Variants in KCND2 observed in about 807,000 individuals in gnomAD.
The protein encoded by KCND2 is A-type voltage-gated potassium channel KCND2.
In KCND2, 16 loss-of-function variants were observed where a neutral mutation model predicts 54.4. The ratio of observed to expected loss-of-function variants is 0.29; its 90% CI spans 0.20 to 0.45. The LOEUF (loss-of-function observed/expected upper bound fraction) is 0.45. Among genes scored for constraint, KCND2 ranks in the 20% least tolerant of loss-of-function variants. The pLI is 1.00. For missense variants in KCND2, 486 were observed against 824.2 expected (o/e 0.59, Z 5.02); for synonymous variants, 317 against 310.7 (o/e 1.02, Z -0.21).
intron 1 of KCND2, among the ~76,000 whole-genome samples, chr7:120,404,770 G>A (rs1312764644): frequency 1.5e-5 from 1 of 66,342 alleles, no homozygotes; most frequent in African/African-American, 6.1e-5. Flanking sequence ...GATTTTTGGG[G>A]GGGGACCTTT....
chr7:120,444,671 A>G (rs1370817369), intron 1 of KCND2, among the ~76,000 whole-genome samples: 8 of 152,160 alleles, frequency 5.3e-5, no homozygotes, highest in Non-Finnish European at 1.0e-4. Flanking sequence ...GGGACAAAGG[A>G]TGGCTGAGAA....
chr7:120,621,311 T>C (rs1459744381), intron 1 of KCND2, among the ~76,000 whole-genome samples: 1 of 133,924 alleles, frequency 7.5e-6, no homozygotes, highest in African/African-American at 2.9e-5. Flanking sequence ...AAAAGAACCA[T>C]ATGGTATCCT....
chr7:120,280,015 G>C (rs1319161304), intron 1 of KCND2, among the ~76,000 whole-genome samples: 2 of 151,840 alleles, frequency 1.3e-5, no homozygotes, highest in Non-Finnish European at 2.9e-5. Flanking sequence ...ATCTTCCCTT[G>C]TGCCAACATC....
intron 1 of KCND2, among the ~76,000 whole-genome samples, chr7:120,718,820 G>T (rs1276539853): frequency 6.6e-6 from 1 of 152,164 alleles, no homozygotes; most frequent in East Asian, 1.9e-4. Flanking sequence ...ATTAACAGTT[G>T]TTTTCAGGAG....
In KCND2 at chr7:120,400,677, G is replaced by A. The variant is rs1254081925; in HGVS notation, c.1115+124930G>A. On this transcript the variant is annotated intron_variant, in intron 1 of 5. Transcript: ENST00000331113. The stretch of plus-strand genomic sequence containing the variant: ...CAATCCTCAAACTTTAATGTGCATA[G>A]AAGTTATGTGCAGAACTTCATTTTA... 2.0e-5 allele frequency among the ~76,000 whole-genome samples: 3 copies of A among 152,052 alleles called. No individual in the cohort carries two copies. The East Asian group carries it at 5.8e-4, about 29-fold the overall frequency.
chr7:120,701,875 T>A (rs189999354), intron 1 of KCND2, among the ~76,000 whole-genome samples: 36 of 152,256 alleles, frequency 2.4e-4, no homozygotes, highest in African/African-American at 8.4e-4. Flanking sequence ...ACGTAGGCAA[T>A]GCCATTCTGG....
rs115316238 is a variant in KCND2 at position 120,364,775 on chromosome 7, A to G, written c.1115+89028A>G. Among the ~76,000 whole-genome samples, 1,284 of 152,116 alleles carry G rather than the reference A, an allele frequency of 8.4e-3. 13 individuals are homozygous for G. Among genetic ancestry groups the G allele is most frequent in the African/African-American group, 0.029 (1,212 of 41,530 alleles). ...CCTGGGGAGTGGTAGAGGATGAGGA[A>G]CCTAATCAGACATCAAAGATGATCA... On this transcript the variant is annotated intron_variant, in intron 1 of 5. Coordinates refer to ENST00000331113, the MANE Select transcript of KCND2 (RefSeq NM_012281.3).
intron 1 of KCND2, among the ~76,000 whole-genome samples, chr7:120,645,698 G>C (rs1793431892): frequency 6.6e-6 from 1 of 152,136 alleles, no homozygotes; most frequent in Non-Finnish European, 1.5e-5. Flanking sequence ...ATATGGTTCT[G>C]TGTCCCATGC....
chr7:120,593,964 T>G (rs1217873968), intron 1 of KCND2, among the ~76,000 whole-genome samples: 1 of 152,186 alleles, frequency 6.6e-6, no homozygotes, highest in African/African-American at 2.4e-5. Flanking sequence ...CCCAGACCAG[T>G]ACAGCCTCTG....
intron 1 of KCND2, among the ~76,000 whole-genome samples, chr7:120,312,824 G>A (rs1799758434): frequency 6.6e-6 from 1 of 152,162 alleles, no homozygotes; most frequent in Admixed American, 6.6e-5. Flanking sequence ...TGGAGATACA[G>A]GTGGATTAAT....
chr7:120,286,279 A>T (rs1201109361), intron 1 of KCND2, among the ~76,000 whole-genome samples: 1 of 151,954 alleles, frequency 6.6e-6, no homozygotes, highest in East Asian at 1.9e-4. Flanking sequence ...TTTGGGAAGC[A>T]CACACATATA....
intron 1 of KCND2, among the ~76,000 whole-genome samples, chr7:120,360,121 T>G (rs1800572332): frequency 6.6e-6 from 1 of 152,130 alleles, no homozygotes; most frequent in South Asian, 2.1e-4. Flanking sequence ...TAACTCTCCA[T>G]GCAAAATTCT....
chr7:120,418,657 C>T (rs1801563143), intron 1 of KCND2, among the ~76,000 whole-genome samples: 1 of 152,128 alleles, frequency 6.6e-6, no homozygotes, highest in Non-Finnish European at 1.5e-5. Context: ...TGTTTATATT[C>T]AGCCAGGCTT....
At chr7:120,354,874 A>T (rs1001043225) in intron 1 of KCND2, among the ~76,000 whole-genome samples, 4 of 152,236 alleles carry the variant, frequency 2.6e-5, no homozygotes, top group African/African-American at 9.6e-5. Flanking sequence ...TATATATGAG[A>T]TACATTATAT....
intron 1 of KCND2, among the ~76,000 whole-genome samples, chr7:120,716,429 C>G (rs1792604233): frequency 1.3e-5 from 2 of 152,044 alleles, no homozygotes; most frequent in Admixed American, 6.6e-5. Flanking sequence ...GACATGCCCA[C>G]TGTAGGCTTG....
At chr7:120,339,948 C>G (rs1800216997) in intron 1 of KCND2, among the ~76,000 whole-genome samples, 2 of 152,222 alleles carry the variant, frequency 1.3e-5, no homozygotes, top group Admixed American at 1.3e-4. Context: ...CTGGTATGTT[C>G]ACTGTATAAT....
chr7:120,445,921 G>A, intron 1 of KCND2, among the ~76,000 whole-genome samples: 1 of 152,068 alleles, frequency 6.6e-6, no homozygotes, highest in Admixed American at 6.6e-5. Flanking sequence ...ACCCAAGACA[G>A]CTTTTCAATC....
chr7:120,431,670 A>C (rs1281825846), intron 1 of KCND2, among the ~76,000 whole-genome samples: 1 of 152,178 alleles, frequency 6.6e-6, no homozygotes, highest in Non-Finnish European at 1.5e-5. Flanking sequence ...TTTGTTTCCC[A>C]TACTCCTAAG....
intron 1 of KCND2, among the ~76,000 whole-genome samples, chr7:120,570,375 G>A (rs549862164): frequency 1.3e-5 from 2 of 150,250 alleles, no homozygotes; most frequent in Non-Finnish European, 3.0e-5. Context: ...TTATATCCAC[G>A]TAATACAACT....
Sources: allele counts gnomAD v4.1 joint callset (sites outside exome capture counted in the v4.1 genomes callset), GRCh38; gene constraint gnomAD v4.1.1; transcripts MANE v1.5; gene names NCBI Gene and HGNC (gene_info 2026-07-23, HGNC 2026-07-21).